PDGFD: variants seen among roughly 807,000 people sequenced by gnomAD.
PDGFD encodes platelet-derived growth factor D.
A neutral mutation model predicts 44.7 loss-of-function variants in PDGFD; 30 were observed. The observed-to-expected ratio is 0.67, with a 90% CI of 0.50 to 0.91. The LOEUF is 0.91. PDGFD is among the 40% of genes least tolerant of loss of function. PDGFD has a pLI of 0.00. For synonymous variants in PDGFD, 173 were observed against 168.4 expected (o/e 1.03, Z -0.21); for missense variants, 445 against 457.8 (o/e 0.97, Z 0.25).
At position 104,037,194 on chromosome 11, in the gene PDGFD, G is replaced by T. The variant is rs142866478; in HGVS notation, c.125-36939C>A. 44 of 1,613,572 alleles carry T rather than the reference G, an allele frequency of 2.7e-5. No individual in the cohort carries two copies. In the African/African-American group the frequency reaches 5.6e-4, roughly 21 times the overall value. On this transcript the variant is annotated intron_variant, in intron 1 of 6. Coordinates refer to ENST00000393158, the MANE Select transcript of PDGFD (RefSeq NM_025208.5). Reference sequence around the variant, plus strand: ...AGCAGCGCACACCCGCTGCCCAGCGGTCACAGGGCTTGGCGTCAGGAGAGA... The same window carrying T: ...AGCAGCGCACACCCGCTGCCCAGCGTTCACAGGGCTTGGCGTCAGGAGAGA...
chr11:104,007,555 A>C (rs2134372148), intron 1 of PDGFD, among the ~76,000 whole-genome samples: 1 of 152,336 alleles, frequency 6.6e-6, no homozygotes, highest in East Asian at 1.9e-4. Context: ...CATCTCACAC[A>C]AACTCAGTGG....
intron 1 of PDGFD, among the ~76,000 whole-genome samples, chr11:104,068,888 T>C (rs1316347938): frequency 6.6e-6 from 1 of 152,184 alleles, no homozygotes; most frequent in African/African-American, 2.4e-5. Flanking sequence ...GTTGCAGACA[T>C]GATATCCCCT....
At chr11:103,963,439 C>A (rs1309705922) in intron 3 of PDGFD, among the ~76,000 whole-genome samples, 1 of 152,136 alleles carries the variant, frequency 6.6e-6, no homozygotes, top group Non-Finnish European at 1.5e-5. Flanking sequence ...TGTGTAATTT[C>A]TTCTCGAGTT....
chr11:104,163,766 A>T, intron 1 of PDGFD, 38 bp downstream of exon 1: 1 of 1,488,646 alleles, frequency 6.7e-7, no homozygotes, highest in Non-Finnish European at 9.0e-7. Context: ...AGCAAACATG[A>T]TTTTTTTTTC....
At chr11:103,948,007 C>A (rs1858689269) in intron 3 of PDGFD, among the ~76,000 whole-genome samples, 1 of 152,156 alleles carries the variant, frequency 6.6e-6, no homozygotes, top group Non-Finnish European at 1.5e-5. Context: ...TGACCACAGA[C>A]AACTGACAAC....
chr11:104,102,659 C>T lies in PDGFD; in HGVS notation c.124+61145G>A, dbSNP rs188526753. On this transcript the variant is annotated intron_variant, in intron 1 of 6. Transcript: ENST00000393158. ...TTTATTGCAGCACTATTCACAACAG[C>T]AAAGACTTGGAACCAACCCAAATGT... Among the ~76,000 whole-genome samples the T allele has an allele frequency of 5.0e-3, 765 of 152,234 alleles. 11 individuals carry two copies. The highest frequency in any genetic ancestry group is 0.017 in the African/African-American group (702 of 41,528).
chr11:104,117,878 A>G (rs1382080419), intron 1 of PDGFD, among the ~76,000 whole-genome samples: 1 of 151,994 alleles, frequency 6.6e-6, no homozygotes, highest in African/African-American at 2.4e-5. Flanking sequence ...AAGTAGAAAA[A>G]ACAATCCTAA....
rs1376283294 is a variant in PDGFD at position 104,119,657 on chromosome 11, AT to A, written c.124+44146del. ...ATATATAATATATTAATAGATATAT[AT>A]AATTATATATCGATATATATATCGA... On this transcript the variant is annotated intron_variant, in intron 1 of 6. Coordinates refer to ENST00000393158, the MANE Select transcript of PDGFD (RefSeq NM_025208.5). 8.4e-3 allele frequency among the ~76,000 whole-genome samples: 30 copies of A among 3,570 alleles called. No individual in the cohort carries two copies. In the Non-Finnish European group the frequency reaches 0.23, roughly 27 times the overall value. The allele number at this position is 3,570 out of a possible 152,430, so 2.3% of individuals were successfully genotyped here. A position where few individuals can be genotyped will look rare whatever the true frequency, so the allele number is the denominator to read the frequency against.
chr11:103,929,351 C>G (rs77309134), intron 5 of PDGFD, among the ~76,000 whole-genome samples: 1 of 152,070 alleles, frequency 6.6e-6, no homozygotes, highest in African/African-American at 2.4e-5. Flanking sequence ...GATGTTGAAC[C>G]AGGGTTGGGT....
intron 2 of PDGFD, among the ~76,000 whole-genome samples, chr11:103,999,449 C>T (rs1859586123): frequency 6.6e-6 from 1 of 152,218 alleles, no homozygotes; most frequent in Non-Finnish European, 1.5e-5. Context: ...TCAGACACAG[C>T]TTTCATCTTC....
chr11:104,032,713 TA>T (rs35912020), intron 1 of PDGFD, among the ~76,000 whole-genome samples: 106 of 151,832 alleles, frequency 7.0e-4, no homozygotes, highest in Admixed American at 6.8e-3. Flanking sequence ...GTGGATTTAT[TA>T]AAAAAATAAC....
chr11:104,154,044 T>C (rs1008162362), intron 1 of PDGFD, among the ~76,000 whole-genome samples: 99 of 152,212 alleles, frequency 6.5e-4, no homozygotes, highest in African/African-American at 2.3e-3. Flanking sequence ...ATGTGTTCAA[T>C]GTCATATTTT....
chr11:103,931,703 C>T (rs1188257132), intron 5 of PDGFD, among the ~76,000 whole-genome samples: 1 of 152,186 alleles, frequency 6.6e-6, no homozygotes, highest in Non-Finnish European at 1.5e-5. Context: ...TCTCCCGCCT[C>T]AGCCTTCTGA....
chr11:104,119,700 T>G (rs1453796969), intron 1 of PDGFD, among the ~76,000 whole-genome samples: 1 of 98,348 alleles, frequency 1.0e-5, no homozygotes, highest in African/African-American at 4.3e-5. Flanking sequence ...ATATATAATA[T>G]CTATTAATAT....
intron 1 of PDGFD, among the ~76,000 whole-genome samples, chr11:104,054,046 G>A (rs17101888): frequency 0.52 from 78,580 of 151,954 alleles, 21,348 homozygotes; most frequent in Non-Finnish European, 0.6. Flanking sequence ...AGCCCACAGC[G>A]TCCACCATTC....
chr11:104,091,267 A>G (rs1022643697), intron 1 of PDGFD, among the ~76,000 whole-genome samples: 17 of 152,196 alleles, frequency 1.1e-4, no homozygotes, highest in Admixed American at 4.6e-4. Context: ...CCTTTCTTAA[A>G]AAAAAGAAAT....
chr11:103,990,303 G>A (rs1286633915), intron 3 of PDGFD, among the ~76,000 whole-genome samples: 1 of 152,108 alleles, frequency 6.6e-6, no homozygotes, highest in Admixed American at 6.5e-5. Flanking sequence ...TTTGCTTAGT[G>A]CACTCTTCTT....
chr11:104,148,396 G>A (rs1343673144), intron 1 of PDGFD, among the ~76,000 whole-genome samples: 1 of 151,964 alleles, frequency 6.6e-6, no homozygotes, highest in Non-Finnish European at 1.5e-5. Flanking sequence ...GTCCAAATTG[G>A]CAACAATTAG....
At chr11:104,103,474 A>G (rs939733682) in intron 1 of PDGFD, among the ~76,000 whole-genome samples, 6,627 of 138,658 alleles carry the variant, frequency 0.048, 230 homozygotes, top group African/African-American at 0.096. Flanking sequence ...ATATATATAT[A>G]TATATATATA....
Sources: allele counts gnomAD v4.1 joint callset (sites outside exome capture counted in the v4.1 genomes callset), GRCh38; gene constraint gnomAD v4.1.1; transcripts MANE v1.5; gene names NCBI Gene and HGNC (gene_info 2026-07-23, HGNC 2026-07-21).